Variants in ERG observed in about 807,000 individuals in gnomAD.
ERG encodes the protein transcriptional regulator ERG.
In ERG, 9 loss-of-function variants were observed where a neutral mutation model predicts 55.3. The ratio of observed to expected loss-of-function variants is 0.16; its 90% CI spans 0.10 to 0.28. The LOEUF is 0.28. Ranked by LOEUF, ERG falls within the 10% of genes least tolerant of loss-of-function variation. The pLI is 1.00. For synonymous variants in ERG, 223 were observed against 237.3 expected, an observed-to-expected ratio of 0.94 and a Z score of 0.55; for missense variants, 434 against 631.6, an observed-to-expected ratio of 0.69 and a Z score of 3.35.
At chr21:38,537,812 T>C (rs943555684) in intron 2 of ERG, among the ~76,000 whole-genome samples, 3 of 152,168 alleles carry the variant, frequency 2.0e-5, no homozygotes, top group Admixed American at 6.6e-5. Context: ...CAATTCCGCA[T>C]GAAGATAGCA....
intron 2 of ERG, among the ~76,000 whole-genome samples, chr21:38,504,326 C>T (rs952618763): frequency 1.1e-4 from 16 of 152,158 alleles, no homozygotes; most frequent in Admixed American, 7.9e-4. Context: ...GCATCCCACA[C>T]GTTCTCAAGT....
intron 1 of ERG, among the ~76,000 whole-genome samples, chr21:38,597,041 T>A (rs986721796): frequency 9.2e-5 from 14 of 152,238 alleles, no homozygotes; most frequent in Non-Finnish European, 1.3e-4. Flanking sequence ...GCTTGGCTGT[T>A]CTTTTTAATG....
intron 1 of ERG, among the ~76,000 whole-genome samples, chr21:38,660,997 AGAGGAGGAGGAAGAGGAGGAGGCG>A (rs1272092787): frequency 6.6e-6 from 1 of 151,728 alleles, no homozygotes; most frequent in Non-Finnish European, 1.5e-5. Flanking sequence ...TCCGGGAGGA[AGAGGAGGAGGAAGAGGAGGAGGCG>A]GAGGAGGAGG....
intron 1 of ERG, among the ~76,000 whole-genome samples, chr21:38,638,146 G>A (rs903300803): frequency 6.6e-6 from 1 of 152,206 alleles, no homozygotes; most frequent in Non-Finnish European, 1.5e-5. Context: ...GCCAGTCCGG[G>A]TGCAATGTCC....
intron 3 of ERG, among the ~76,000 whole-genome samples, chr21:38,406,941 A>G (rs1435204927): frequency 6.6e-6 from 1 of 152,206 alleles, no homozygotes; most frequent in East Asian, 1.9e-4. Context: ...AAAGTCCTCA[A>G]CCTGTATTGT....
chr21:38,568,943 G>A (rs1359271261), intron 2 of ERG, among the ~76,000 whole-genome samples: 2 of 152,148 alleles, frequency 1.3e-5, no homozygotes, highest in African/African-American at 2.4e-5. Flanking sequence ...CAGAAGCAGC[G>A]GCTGCTGAAC....
chr21:38,397,859 C>A (rs1313203723), intron 6 of ERG, among the ~76,000 whole-genome samples: 2 of 152,088 alleles, frequency 1.3e-5, no homozygotes, highest in African/African-American at 4.8e-5. Flanking sequence ...ATGAAACGGC[C>A]ACCATGCAGA....
At chr21:38,506,776 C>T (rs113074127) in intron 2 of ERG, among the ~76,000 whole-genome samples, 5,466 of 152,102 alleles carry the variant, frequency 0.036, 202 homozygotes, top group Middle Eastern at 0.1. Context: ...TCTGTGTTCA[C>T]GGCTGTCGGG....
chr21:38,583,117 G>A (rs542183099), intron 1 of ERG, among the ~76,000 whole-genome samples: 1 of 152,346 alleles, frequency 6.6e-6, no homozygotes, highest in East Asian at 1.9e-4. Context: ...TCCATTCCTT[G>A]AAAGCATTGG....
chr21:38,643,041 T>C (rs924900571), intron 1 of ERG, among the ~76,000 whole-genome samples: 2 of 152,214 alleles, frequency 1.3e-5, no homozygotes, highest in Non-Finnish European at 2.9e-5. Context: ...ACTCATTGCA[T>C]CAAAGTGATC....
chr21:38,568,322 TAA>T (rs2059936095), intron 2 of ERG, among the ~76,000 whole-genome samples: 1 of 152,192 alleles, frequency 6.6e-6, no homozygotes, highest in East Asian at 1.9e-4. Flanking sequence ...GATGTGATAA[TAA>T]GTCTCACTGA....
At chr21:38,514,416 T>C (rs1291560640) in intron 2 of ERG, among the ~76,000 whole-genome samples, 1 of 152,020 alleles carries the variant, frequency 6.6e-6, no homozygotes, top group South Asian at 2.1e-4. Context: ...ATAATATATA[T>C]TGTGAACAAA....
chr21:38,521,271 C>T (rs2059592537), intron 2 of ERG, among the ~76,000 whole-genome samples: 1 of 152,138 alleles, frequency 6.6e-6, no homozygotes, highest in Admixed American at 6.5e-5. Context: ...GGAGCCAAGC[C>T]CTGGTCCAGT....
intron 2 of ERG, among the ~76,000 whole-genome samples, chr21:38,544,467 T>G (rs1451943239): frequency 6.6e-6 from 1 of 152,076 alleles, no homozygotes; most frequent in South Asian, 2.1e-4. Context: ...GCAGTGGAGC[T>G]GGGGAGTGAC....
chr21:38,423,123 G>T (rs1057219264), intron 3 of ERG, among the ~76,000 whole-genome samples: 1 of 146,056 alleles, frequency 6.8e-6, no homozygotes, highest in Non-Finnish European at 1.5e-5. Context: ...GTGTGTGTGT[G>T]TATTTTTCTC....
At chr21:38,414,988 C>G (rs1207660614) in intron 3 of ERG, among the ~76,000 whole-genome samples, 1 of 152,152 alleles carries the variant, frequency 6.6e-6, no homozygotes, top group Non-Finnish European at 1.5e-5. Flanking sequence ...TTACAAAATT[C>G]CCTCTCCACC....
chr21:38,432,523 A>C (rs1301547523), intron 2 of ERG, among the ~76,000 whole-genome samples: 1 of 152,240 alleles, frequency 6.6e-6, no homozygotes, highest in Non-Finnish European at 1.5e-5. Context: ...TCTTCCAACC[A>C]GTATTTCACT....
the ERG span, among the ~76,000 whole-genome samples, chr21:38,370,895 T>G: frequency 6.6e-6 from 1 of 151,802 alleles, no homozygotes; most frequent in Admixed American, 6.6e-5. Flanking sequence ...GCTGGGCCTG[T>G]GCAATCTGGC....
At chr21:38,544,613 C>G (rs2059776376) in intron 2 of ERG, among the ~76,000 whole-genome samples, 1 of 152,076 alleles carries the variant, frequency 6.6e-6, no homozygotes, top group Non-Finnish European at 1.5e-5. Context: ...CATTTCCTTT[C>G]CCAGGATATC....
Sources: gnomAD v4.1 joint callset for allele counts (sites outside exome capture counted in the v4.1 genomes callset) on GRCh38, gnomAD v4.1.1 for gene constraint, MANE v1.5 for transcripts, NCBI Gene and HGNC (gene_info 2026-07-23, HGNC 2026-07-21) for gene names.